LRPPRC: variants seen among roughly 807,000 people sequenced by gnomAD.
LRPPRC encodes leucine rich pentatricopeptide repeat containing.
LRPPRC carries 120 observed loss-of-function variants against 180.3 expected under a neutral mutation model. The ratio of observed to expected loss-of-function variants is 0.67; its 90% CI spans 0.57 to 0.77. LRPPRC has a LOEUF of 0.77. Among genes scored for constraint, LRPPRC ranks in the 30% least tolerant of loss-of-function variants. The pLI, the probability that LRPPRC is intolerant of heterozygous loss-of-function variation, is 0.00. For synonymous variants in LRPPRC, 723 were observed against 600.0 expected (o/e 1.21, Z -3.00); for missense variants, 2,012 against 1,657.2 (o/e 1.21, Z -3.72).
At position 43,912,433 on chromosome 2, in the gene LRPPRC, A is replaced by G. The variant is rs1558924664; in HGVS notation, c.3274T>C (p.Phe1092Leu). 1.2e-6 allele frequency: 2 copies of G among 1,609,844 alleles called. No individual in the cohort carries two copies. Among genetic ancestry groups the G allele is most frequent in the Non-Finnish European group, 8.5e-7 (1 of 1,176,326 alleles). ...YFTQAMEVKA[F>L]AETHIKGFTL... is the part of the protein sequence containing the mutation. Reference sequence around the variant, plus strand: ...TTTAATAAATGGACTAACACTTACAATGCTTTCACTTCCATTGCTTGTGTA... The same window carrying G: ...TTTAATAAATGGACTAACACTTACAGTGCTTTCACTTCCATTGCTTGTGTA... The change falls in exon 30 of 38, where the codon TTC becomes CTC. Residue 1092 changes from phenylalanine to leucine, a missense_variant and splice_region_variant. Coordinates refer to ENST00000260665, the MANE Select transcript of LRPPRC (RefSeq NM_133259.4).
rs113224446 is a variant in LRPPRC at position 43,977,033 on chromosome 2, A to G, written c.611T>C (p.Ile204Thr). The G allele has an allele frequency of 6.2e-7, 1 of 1,613,540 alleles. No individual in the cohort carries two copies. Among genetic ancestry groups the G allele is most frequent in the African/African-American group, 1.3e-5 (1 of 75,048 alleles). ...ATCTCCTACATTACAATAAGAAGCA[A>G]TCAATCTCTGGTATGTCACCTGTCA... ...QPNRVTYQRL[I>T]ASYCNVGDIE... The change falls in exon 5 of 38, where the codon ATT becomes ACT. Residue 204 changes from isoleucine to threonine, a missense_variant. By Grantham distance (89) the Ile-to-Thr change is moderately conservative. Coordinates refer to ENST00000260665, the MANE Select transcript of LRPPRC (RefSeq NM_133259.4).
chr2:43,915,164 C>T lies in LRPPRC; in HGVS notation c.3149-2606G>A, dbSNP rs182605691. 2.6e-3 allele frequency among the ~76,000 whole-genome samples: 386 copies of T among 146,714 alleles called. 3 individuals carry two copies. The highest frequency in any genetic ancestry group is 9.3e-3 in the African/African-American group (369 of 39,822). On this transcript the variant is annotated intron_variant, in intron 29 of 37. Transcript: ENST00000260665. ...ACTTGAGTCCAGAAGGCAGAGGTTG[C>T]GCCACTGCACTCCGGCCTGGGCAAC...
chr2:43,995,709 G>T, intron 1 of LRPPRC, 90 bp downstream of exon 1: 1 of 1,207,322 alleles, frequency 8.3e-7, no homozygotes, highest in Non-Finnish European at 1.1e-6. Flanking sequence ...AGGGTGGCGA[G>T]CACAGGCAGG....
In LRPPRC at chr2:43,912,547, TATC is replaced by T. The variant is rs1238672304; in HGVS notation, c.3157_3159del (p.Asp1053del). ...TTTTGCTCTTTTGCATTCAGGAAAATATCATATGCCCCTATGAGAGAAAACAGA... is the reference window on the plus strand; with the variant it reads ...TTTTGCTCTTTTGCATTCAGGAAAATATATGCCCCTATGAGAGAAAACAGA... On this transcript the variant is annotated inframe_deletion, in exon 30 of 38. Transcript: ENST00000260665. The T allele has an allele frequency of 3.7e-6, 6 of 1,609,430 alleles. No homozygotes were observed. Among genetic ancestry groups the T allele is most frequent in the African/African-American group, 1.3e-5 (1 of 74,786 alleles).
chr2:43,905,263 A>G (rs1335465145), intron 31 of LRPPRC, among the ~76,000 whole-genome samples: 2 of 152,240 alleles, frequency 1.3e-5, no homozygotes, highest in Non-Finnish European at 2.9e-5. Context: ...CTGATTTGGT[A>G]TCTCACACAC....
At chr2:43,929,769 C>T (rs1376796321) in intron 25 of LRPPRC, among the ~76,000 whole-genome samples, 1 of 152,078 alleles carries the variant, frequency 6.6e-6, no homozygotes, top group Non-Finnish European at 1.5e-5. Flanking sequence ...CCAAGATAGA[C>T]TTGAAGACCA....
intron 27 of LRPPRC, among the ~76,000 whole-genome samples, chr2:43,919,757 T>A (rs1345169550): frequency 1.3e-5 from 2 of 152,116 alleles, no homozygotes; most frequent in Non-Finnish European, 2.9e-5. Context: ...ACACTAAGTG[T>A]AATACAATTA....
At chr2:43,934,594 A>C (rs1672205035) in intron 24 of LRPPRC, among the ~76,000 whole-genome samples, 160 bp downstream of exon 24, 1 of 152,044 alleles carries the variant, frequency 6.6e-6, no homozygotes, top group South Asian at 2.1e-4. Flanking sequence ...CATGTATAAT[A>C]TTGGAAATCT....
intron 29 of LRPPRC, 79 bp from the exon 30 acceptor site, chr2:43,912,637 A>C: frequency 8.0e-7 from 1 of 1,248,158 alleles, no homozygotes; most frequent in Admixed American, 1.8e-5. Context: ...CCTGAAACAA[A>C]GACCTAAACC....
Position 43,925,089 on chromosome 2 carries a change from G to T in LRPPRC, c.2874C>A (p.Tyr958Ter). The T allele has an allele frequency of 6.3e-7, 1 of 1,580,490 alleles. No homozygotes were observed. Among genetic ancestry groups the T allele is most frequent in the Non-Finnish European group, 8.7e-7 (1 of 1,149,470 alleles). ...KLFECDRDQM[Y>*]YNLLKLYKIN... ...TACTATACAGTTTTAGCAGATTGTAGTACATCTGGTCTCTATCACATTCAA... is the reference window on the plus strand; with the variant it reads ...TACTATACAGTTTTAGCAGATTGTATTACATCTGGTCTCTATCACATTCAA... The change falls in exon 27 of 38, where the codon TAC (tyrosine) becomes TAA (stop). Residue 958 changes from tyrosine to a stop codon, truncating the protein, a stop_gained. Coordinates refer to ENST00000260665, the MANE Select transcript of LRPPRC (RefSeq NM_133259.4). LOFTEE classifies it high-confidence loss of function.
chr2:43,921,039 C>T (rs1281097508), intron 27 of LRPPRC, among the ~76,000 whole-genome samples: 2 of 152,128 alleles, frequency 1.3e-5, no homozygotes, highest in African/African-American at 4.8e-5. Flanking sequence ...TGTCTGTAAT[C>T]CCAGCACTTT....
Position 43,912,420 on chromosome 2 carries a change from A to T in LRPPRC, c.3275+12T>A. 1.2e-6 allele frequency: 2 copies of T among 1,607,168 alleles called. No homozygotes were observed. Among genetic ancestry groups the T allele is most frequent in the Non-Finnish European group, 1.7e-6 (2 of 1,174,038 alleles). ...TTTAAACAAGAGGTTTAATAAATGG[A>T]CTAACACTTACAATGCTTTCACTTC... On this transcript the variant is annotated intron_variant, in intron 30 of 37. Coordinates refer to ENST00000260665, the MANE Select transcript of LRPPRC (RefSeq NM_133259.4).
chr2:43,913,231 T>A (rs1671326316), intron 29 of LRPPRC, among the ~76,000 whole-genome samples: 1 of 152,208 alleles, frequency 6.6e-6, no homozygotes, highest in African/African-American at 2.4e-5. Context: ...GAAAAGATGT[T>A]ACCAAAAGAG....
At chr2:43,941,206 T>C (rs1269475079) in intron 23 of LRPPRC, among the ~76,000 whole-genome samples, 2 of 152,200 alleles carry the variant, frequency 1.3e-5, no homozygotes, top group Non-Finnish European at 2.9e-5. Context: ...TAATTTCTCC[T>C]GTGTTTTGTC....
In LRPPRC at chr2:43,943,798, A is replaced by G; in HGVS notation, c.2393T>C (p.Leu798Ser). 1 of 1,613,544 alleles carries G rather than the reference A, an allele frequency of 6.2e-7. No individual in the cohort carries two copies. Among genetic ancestry groups the G allele is most frequent in the Non-Finnish European group, 8.5e-7 (1 of 1,179,502 alleles). The change falls in exon 23 of 38, where the codon TTA (leucine) becomes TCA (serine). Residue 798 changes from leucine (L) to serine (S), a missense_variant. By Grantham distance (145) the Leu-to-Ser change is moderately radical. Coordinates refer to ENST00000260665, the MANE Select transcript of LRPPRC (RefSeq NM_133259.4). ...SFFHMLNGAA[L>S]RGEIETVKQL... ...TTTTACTGTTTCAATTTCACCTCTT[A>G]AAGCTGCGCCATTTAGCATGTGGAA...
At chr2:43,934,635 T>G in intron 24 of LRPPRC, 119 bp downstream of exon 24, 1 of 807,616 alleles carries the variant, frequency 1.2e-6, no homozygotes, top group African/African-American at 1.8e-5. Flanking sequence ...ATTTCACAAG[T>G]ATAAAGAAAG....
chr2:43,912,359 A>AT, intron 30 of LRPPRC, 73 bp downstream of exon 30: 1 of 1,345,518 alleles, frequency 7.4e-7, no homozygotes, highest in Non-Finnish European at 1.1e-6. Context: ...GCACATTACT[A>AT]TTATAATTAT....
chr2:43,960,551 T>C lies in LRPPRC; in HGVS notation c.1572A>G (p.Val524=). The part of the protein sequence containing the change: ...SEAANGNLDF[V]LSFLKSNTLP... ...ATGTTGTATACTTACAAAATGATAA[T>C]ACAAAGTCTAAGTTCCCATTTGCTG... The change falls in exon 13 of 38, where the codon GTA becomes GTG. Residue 524 remains valine, a synonymous_variant. Coordinates refer to ENST00000260665, the MANE Select transcript of LRPPRC (RefSeq NM_133259.4). 1 of 1,562,608 alleles carries C rather than the reference T, an allele frequency of 6.4e-7. No individual in the cohort carries two copies. The highest frequency in any genetic ancestry group is 8.8e-7 in the Non-Finnish European group (1 of 1,134,454).
chr2:43,993,709 T>G (rs557694723), intron 1 of LRPPRC, among the ~76,000 whole-genome samples: 1 of 150,192 alleles, frequency 6.7e-6, no homozygotes, highest in Admixed American at 6.7e-5. Context: ...GACAAAGTCC[T>G]GCTCTCATAT....
Sources: gnomAD v4.1 joint callset for allele counts (sites outside exome capture counted in the v4.1 genomes callset) on GRCh38, gnomAD v4.1.1 for gene constraint, MANE v1.5 for transcripts, NCBI Gene and HGNC (gene_info 2026-07-23, HGNC 2026-07-21) for gene names.